The following VPS13C variants were observed in gnomAD, a reference collection of about 807,000 sequenced individuals.
VPS13C encodes the protein vacuolar protein sorting 13 homolog C, also known as intermembrane lipid transfer protein VPS13C.
VPS13C carries 358 observed loss-of-function variants against 456.8 expected under a neutral mutation model. The ratio of observed to expected loss-of-function variants is 0.78; its 90% CI spans 0.72 to 0.86. The LOEUF (loss-of-function observed/expected upper bound fraction) is 0.86. VPS13C is among the 40% of genes least tolerant of loss of function. The pLI is 0.00. For missense variants in VPS13C, 4,818 were observed against 4,385.4 expected (o/e 1.10, Z -2.79); for synonymous variants, 1,578 against 1,486.7 (o/e 1.06, Z -1.41).
intron 4 of VPS13C, among the ~76,000 whole-genome samples, chr15:62,033,957 A>G (rs755379114): frequency 6.6e-6 from 1 of 151,510 alleles, no homozygotes; most frequent in Non-Finnish European, 1.5e-5. Context: ...TTCGGAATAC[A>G]TATCAACAAT....
intron 66 of VPS13C, among the ~76,000 whole-genome samples, chr15:61,905,682 A>G (rs954871820): frequency 1.3e-5 from 2 of 152,130 alleles, no homozygotes; most frequent in African/African-American, 4.8e-5. Context: ...CTTTTACTAT[A>G]ACAGCAAAGT....
At chr15:62,055,647 T>C (rs538819318) in intron 1 of VPS13C, among the ~76,000 whole-genome samples, 5 of 152,240 alleles carry the variant, frequency 3.3e-5, no homozygotes, top group African/African-American at 1.2e-4. Flanking sequence ...AATATTTCGA[T>C]CTTAAAACTA....
intron 28 of VPS13C, among the ~76,000 whole-genome samples, chr15:61,968,665 A>C (rs1361774280): frequency 6.6e-6 from 1 of 152,214 alleles, no homozygotes; most frequent in Middle Eastern, 3.4e-3. Context: ...CTAACTTTAC[A>C]TCCTATCATT....
At chr15:61,904,644 A>G (rs1390319160) in intron 66 of VPS13C, among the ~76,000 whole-genome samples, 2 of 152,136 alleles carry the variant, frequency 1.3e-5, no homozygotes, top group Non-Finnish European at 2.9e-5. Context: ...TGCTTGGTAT[A>G]TATCCCAATG....
chr15:61,917,454 A>T lies in VPS13C; in HGVS notation c.7942T>A (p.Leu2648Met), dbSNP rs370686448. The change falls in exon 60 of 85, where the codon TTG becomes ATG. Residue 2648 changes from leucine (L) to methionine (M), a missense_variant. Leu to Met is a conservative substitution (Grantham distance 15). Transcript: ENST00000644861. ...TCCCCATGTGTACATATGTAGCTCA[A>T]TTCATCAGGCAGAGCAACTGTATTC... ...IVNTVALPDELSYICTHGEDW... is the reference protein window; with the variant it reads ...IVNTVALPDEMSYICTHGEDW... 5.0e-6 allele frequency: 8 copies of T among 1,613,908 alleles called. No individual in the cohort carries two copies. The highest frequency in any genetic ancestry group is 6.8e-6 in the Non-Finnish European group (8 of 1,179,914).
At chr15:61,983,437 A>T (rs71411473) in intron 20 of VPS13C, among the ~76,000 whole-genome samples, 1 of 152,224 alleles carries the variant, frequency 6.6e-6, no homozygotes, top group East Asian at 1.9e-4. Flanking sequence ...AAATTATTTT[A>T]ATCAGTCCTA....
chr15:61,948,572 A>C (rs2140281628), intron 42 of VPS13C, among the ~76,000 whole-genome samples: 1 of 152,192 alleles, frequency 6.6e-6, no homozygotes, highest in East Asian at 1.9e-4. Flanking sequence ...AATCCCAGCT[A>C]CTTGGGAGGC....
chr15:62,037,212 T>C (rs1314455435), intron 3 of VPS13C, among the ~76,000 whole-genome samples: 1 of 101,880 alleles, frequency 9.8e-6, no homozygotes, highest in African/African-American at 3.9e-5. Context: ...AATATATAAA[T>C]ATATTATATA....
chr15:61,926,986 A>T lies in VPS13C; in HGVS notation c.6516+105T>A, dbSNP rs1023716121. ...ATATGTAAAACCCCAAGTTCACAAT[A>T]AATAATCTCTAAAGTCCCTGCAGAG... On this transcript the variant is annotated intron_variant, in intron 52 of 84. Coordinates refer to ENST00000644861, the MANE Select transcript of VPS13C (RefSeq NM_020821.3). 4 of 1,017,816 alleles carry T rather than the reference A, an allele frequency of 3.9e-6. No individual in the cohort carries two copies. The African/African-American group carries it at 6.5e-5, about 17-fold the overall frequency. 63.0% of individuals were successfully genotyped at this position (1,017,816 alleles called of 1,614,324 possible).
In VPS13C at chr15:61,853,662, T is replaced by A. The variant is rs1207640320; in HGVS notation, c.*795A>T. 3 of 152,210 alleles carry A rather than the reference T, an allele frequency of 2.0e-5. No individual in the cohort carries two copies. Among genetic ancestry groups the A allele is most frequent in the Non-Finnish European group, 2.9e-5 (2 of 68,034 alleles). 9.4% of individuals were successfully genotyped at this position (152,210 alleles called of 1,614,324 possible). ...CCTTTCTTCATTCAATTACCTGGTT[T>A]ACCAAGAATGTTAACTCAGTTCAAT... is the stretch of plus-strand genomic sequence containing the variant. On this transcript the variant is annotated 3_prime_UTR_variant, in exon 85 of 85. Transcript: ENST00000644861.
intron 65 of VPS13C, among the ~76,000 whole-genome samples, chr15:61,908,004 T>G (rs2043198305): frequency 6.6e-6 from 1 of 152,112 alleles, no homozygotes; most frequent in Non-Finnish European, 1.5e-5. Flanking sequence ...CTACACAAAG[T>G]GTGGTCCGTA....
chr15:61,868,809 G>T (rs559199011), intron 80 of VPS13C, 36 bp from the exon 81 acceptor site: 2 of 1,502,258 alleles, frequency 1.3e-6, no homozygotes, highest in Non-Finnish European at 1.8e-6. Flanking sequence ...AAGAAAATAC[G>T]TGAGAGTCTT....
chr15:62,015,200 T>C (rs1271398090), intron 9 of VPS13C, among the ~76,000 whole-genome samples: 1 of 152,176 alleles, frequency 6.6e-6, no homozygotes, highest in African/African-American at 2.4e-5. Context: ...ACAGATTCTA[T>C]CCTCTTTAAA....
At position 61,931,278 on chromosome 15, in the gene VPS13C, G is replaced by T. The variant is rs1169432929; in HGVS notation, c.5869-19C>A. The stretch of plus-strand genomic sequence containing the variant: ...CAGATTCCTATGGTACATTTTTCAA[G>T]CAAAAGAATCAATTACCTTTAAATA... On this transcript the variant is annotated intron_variant, in intron 49 of 84. Transcript: ENST00000644861. 6.3e-7 allele frequency: 1 copy of T among 1,596,938 alleles called. No individual in the cohort carries two copies. The highest frequency in any genetic ancestry group is 1.1e-5 in the South Asian group (1 of 87,976).
At chr15:62,028,619 A>G (rs2047716372) in intron 5 of VPS13C, among the ~76,000 whole-genome samples, 199 bp from the exon 6 acceptor site, 1 of 152,108 alleles carries the variant, frequency 6.6e-6, no homozygotes, top group Non-Finnish European at 1.5e-5. Flanking sequence ...TTCAACACAC[A>G]AACTTCTTAA....
chr15:61,918,280 A>G (rs756612880), intron 58 of VPS13C, 23 bp from the exon 59 acceptor site: 8 of 1,522,888 alleles, frequency 5.3e-6, no homozygotes, highest in Non-Finnish European at 7.0e-6. Flanking sequence ...AAAAAATACA[A>G]GTTTTTTAAA....
At chr15:61,929,989 T>C (rs1264343664) in intron 50 of VPS13C, among the ~76,000 whole-genome samples, 1 of 152,204 alleles carries the variant, frequency 6.6e-6, no homozygotes, top group Admixed American at 6.5e-5. Context: ...CAATTCTATA[T>C]GTTATTGCAT....
chr15:61,950,322 A>C (rs1261018440), intron 41 of VPS13C, 36 bp downstream of exon 41: 1 of 1,528,414 alleles, frequency 6.5e-7, no homozygotes, highest in East Asian at 2.3e-5. Flanking sequence ...TATAATCAAC[A>C]CAACCCAACC....
At chr15:61,924,468 C>T (rs1344064528) in intron 53 of VPS13C, among the ~76,000 whole-genome samples, 2 of 152,144 alleles carry the variant, frequency 1.3e-5, no homozygotes, top group Non-Finnish European at 2.9e-5. Context: ...TCCCCAATGC[C>T]TTGTAAAGGA....
Sources: allele counts gnomAD v4.1 joint callset (sites outside exome capture counted in the v4.1 genomes callset), GRCh38; gene constraint gnomAD v4.1.1; transcripts MANE v1.5; gene names NCBI Gene and HGNC (gene_info 2026-07-23, HGNC 2026-07-21).